Variants in SPINK5 observed in about 807,000 individuals in gnomAD.
The protein encoded by SPINK5 is serine protease inhibitor Kazal-type 5.
In SPINK5, 125 loss-of-function variants were observed where a neutral mutation model predicts 151.8. The observed-to-expected ratio is 0.82, with a 90% CI of 0.71 to 0.96. SPINK5 has a LOEUF of 0.96. Among genes scored for constraint, SPINK5 ranks in the 40% least tolerant of loss-of-function variants. SPINK5 has a pLI of 0.00. For missense variants in SPINK5, 1,194 were observed against 1,291.9 expected (o/e 0.92, Z 1.16); for synonymous variants, 374 against 395.3 (o/e 0.95, Z 0.64).
At chr5:148,104,843 C>A in intron 15 of SPINK5, 109 bp from the exon 16 acceptor site, 1 of 974,752 alleles carries the variant, frequency 1.0e-6, no homozygotes. Flanking sequence ...TTGCAGTGAG[C>A]CGAGATCGCG....
At chr5:148,080,016 C>A (rs114291495) in intron 4 of SPINK5, among the ~76,000 whole-genome samples, 2,669 of 150,696 alleles carry the variant, frequency 0.018, 92 homozygotes, top group African/African-American at 0.061. Flanking sequence ...TTCTAGGGAT[C>A]CACAAAAAGA....
Position 148,064,018 on chromosome 5 carries a change from C to T in SPINK5, c.-27C>T. 6.2e-7 allele frequency: 1 copy of T among 1,613,960 alleles called. No homozygotes were observed. The highest frequency in any genetic ancestry group is 8.5e-7 in the Non-Finnish European group (1 of 1,179,900). On this transcript the variant is annotated 5_prime_UTR_variant, in exon 1 of 33. Transcript: ENST00000256084. ...CAGCTGAGCAATGCATGGAGTGGAC[C>T]TGTAGGCGACTTGCATCGTCTTCAA...
intron 32 of SPINK5, among the ~76,000 whole-genome samples, chr5:148,136,483 T>C (rs1242886692): frequency 1.3e-5 from 2 of 152,078 alleles, no homozygotes; most frequent in Non-Finnish European, 2.9e-5. Flanking sequence ...TTTAAGATTA[T>C]TTTTAAATAT....
intron 29 of SPINK5, 114 bp downstream of exon 29, chr5:148,125,964 C>G (rs1221266666): frequency 6.6e-7 from 1 of 1,504,072 alleles, no homozygotes; most frequent in Non-Finnish European, 9.2e-7. Context: ...AAAAATAAGT[C>G]TTTAGAATTA....
intron 18 of SPINK5, 138 bp downstream of exon 18, chr5:148,108,975 C>A (rs1753851556): frequency 7.0e-7 from 1 of 1,421,796 alleles, no homozygotes; most frequent in African/African-American, 1.4e-5. Context: ...TCCCCATATA[C>A]AAGAGTACTC....
chr5:148,135,908 C>T (rs1754683970), intron 32 of SPINK5, among the ~76,000 whole-genome samples: 1 of 152,144 alleles, frequency 6.6e-6, no homozygotes, highest in East Asian at 1.9e-4. Flanking sequence ...AACTATTATA[C>T]AGTAACTACT....
chr5:148,123,618 G>C (rs1325234482), intron 26 of SPINK5, among the ~76,000 whole-genome samples: 1 of 149,434 alleles, frequency 6.7e-6, no homozygotes, highest in Non-Finnish European at 1.5e-5. Context: ...AATTCCATTA[G>C]GGCAAGACAA....
At chr5:148,120,572 C>T (rs1453013643) in intron 26 of SPINK5, among the ~76,000 whole-genome samples, 181 bp downstream of exon 26, 1 of 152,156 alleles carries the variant, frequency 6.6e-6, no homozygotes, top group Admixed American at 6.5e-5. Flanking sequence ...CCAGGAGTGA[C>T]TCTGATGCAA....
intron 21 of SPINK5, among the ~76,000 whole-genome samples, chr5:148,116,014 G>C (rs1754078331): frequency 6.6e-6 from 1 of 151,960 alleles, no homozygotes; most frequent in Non-Finnish European, 1.5e-5. Flanking sequence ...TAGAGACAGT[G>C]TTTTGCCATG....
chr5:148,086,566 A>G, intron 5 of SPINK5, 34 bp downstream of exon 5: 1 of 1,607,214 alleles, frequency 6.2e-7, no homozygotes, highest in Non-Finnish European at 8.5e-7. Context: ...TTCTCCCTAA[A>G]ACGTGTTCTC....
intron 6 of SPINK5, chr5:148,089,149 C>T: frequency 2.1e-6 from 1 of 469,176 alleles, no homozygotes; most frequent in Admixed American, 2.3e-5. Context: ...GCTTCCAGAG[C>T]ACCTGAGGTG....
intron 21 of SPINK5, 111 bp from the exon 22 acceptor site, chr5:148,116,259 T>C: frequency 9.2e-7 from 1 of 1,089,282 alleles, no homozygotes; most frequent in South Asian, 1.3e-5. Context: ...GTTAACTCAA[T>C]GCTCGATAAT....
chr5:148,115,823 CT>C (rs567120637), intron 21 of SPINK5, among the ~76,000 whole-genome samples: 3,895 of 139,696 alleles, frequency 0.028, 57 homozygotes, highest in Non-Finnish European at 0.039. Flanking sequence ...CTCACCTTGT[CT>C]TTTTTTTTTT....
intron 9 of SPINK5, among the ~76,000 whole-genome samples, chr5:148,095,088 C>T (rs1442276965): frequency 1.3e-5 from 2 of 151,944 alleles, no homozygotes; most frequent in African/African-American, 4.8e-5. Flanking sequence ...GATGTCCCCT[C>T]CTCTTGTAGA....
At chr5:148,074,077 T>G (rs553726784) in intron 4 of SPINK5, among the ~76,000 whole-genome samples, 245 of 151,912 alleles carry the variant, frequency 1.6e-3, no homozygotes, top group Middle Eastern at 6.8e-3. Flanking sequence ...TTTTTGTTGT[T>G]GTTGTTTTTC....
chr5:148,126,858 C>A, intron 29 of SPINK5, 125 bp from the exon 30 acceptor site: 2 of 758,176 alleles, frequency 2.6e-6, no homozygotes, highest in Non-Finnish European at 4.2e-6. Flanking sequence ...TTCCAAAATG[C>A]TGGGGTTACA....
At chr5:148,112,007 C>T in intron 19 of SPINK5, 112 bp downstream of exon 19, 6 of 1,521,526 alleles carry the variant, frequency 3.9e-6, no homozygotes, top group Non-Finnish European at 5.4e-6. Context: ...TAAAGGCTGT[C>T]TTTGCACTGA....
chr5:148,128,961 A>G (rs1036886633), intron 30 of SPINK5, among the ~76,000 whole-genome samples: 2 of 152,228 alleles, frequency 1.3e-5, no homozygotes, highest in Non-Finnish European at 2.9e-5. Flanking sequence ...CAAGGAGGAA[A>G]TAAGGCAGAA....
At chr5:148,100,008 GT>G (rs550643265) in intron 12 of SPINK5, among the ~76,000 whole-genome samples, 296 of 152,056 alleles carry the variant, frequency 1.9e-3, no homozygotes, top group African/African-American at 6.9e-3. Context: ...TTTCCTACCT[GT>G]GTTTTTCAGC....
Sources: allele counts gnomAD v4.1 joint callset (sites outside exome capture counted in the v4.1 genomes callset), GRCh38; gene constraint gnomAD v4.1.1; transcripts MANE v1.5; gene names NCBI Gene and HGNC (gene_info 2026-07-23, HGNC 2026-07-21).